Variants in CAMK4 observed in about 807,000 individuals in gnomAD.
CAMK4 encodes calcium/calmodulin-dependent protein kinase type IV.
Under a neutral mutation model 44.9 loss-of-function variants are expected in CAMK4, and 22 were observed. That is an observed-to-expected ratio of 0.49 (90% CI 0.35 to 0.70). The LOEUF (loss-of-function observed/expected upper bound fraction) is 0.70. CAMK4 is among the 30% of genes least tolerant of loss of function. The pLI, the probability that CAMK4 is intolerant of heterozygous loss-of-function variation, is 0.01. For synonymous variants in CAMK4, 218 were observed against 215.4 expected, an observed-to-expected ratio of 1.01 and a Z score of -0.11; for missense variants, 498 against 586.8, an observed-to-expected ratio of 0.85 and a Z score of 1.56.
At chr5:111,263,495 CACAGCAGTCT>C (rs1254569989) in intron 1 of CAMK4, among the ~76,000 whole-genome samples, 1 of 152,128 alleles carries the variant, frequency 6.6e-6, no homozygotes, top group Non-Finnish European at 1.5e-5. Flanking sequence ...TTATTACTCC[CACAGCAGTCT>C]ACTTCTTCCA....
At chr5:111,421,203 A>G (rs898535524) in intron 5 of CAMK4, among the ~76,000 whole-genome samples, 1 of 152,218 alleles carries the variant, frequency 6.6e-6, no homozygotes, top group Non-Finnish European at 1.5e-5. Flanking sequence ...ACTTCCCGCA[A>G]CAATATCTGC....
At chr5:111,273,908 C>T (rs965514925) in intron 1 of CAMK4, among the ~76,000 whole-genome samples, 1 of 151,376 alleles carries the variant, frequency 6.6e-6, no homozygotes, top group South Asian at 2.1e-4. Flanking sequence ...CCTGCAGGCT[C>T]TTTATATCAG....
chr5:111,251,912 G>A (rs1350464968), intron 1 of CAMK4, among the ~76,000 whole-genome samples: 1 of 151,988 alleles, frequency 6.6e-6, no homozygotes, highest in Non-Finnish European at 1.5e-5. Context: ...TTTAACCAGT[G>A]TTTATATCTT....
At chr5:111,232,849 C>T (rs962450460) in intron 1 of CAMK4, among the ~76,000 whole-genome samples, 4 of 151,660 alleles carry the variant, frequency 2.6e-5, no homozygotes, top group Non-Finnish European at 5.9e-5. Flanking sequence ...GATTGGTTAC[C>T]TAGACCAGGT....
At chr5:111,344,548 A>G (rs1749791457) in intron 2 of CAMK4, among the ~76,000 whole-genome samples, 1 of 151,912 alleles carries the variant, frequency 6.6e-6, no homozygotes, top group African/African-American at 2.4e-5. Flanking sequence ...GTATTTGTTA[A>G]AGGAGTCATC....
intron 1 of CAMK4, among the ~76,000 whole-genome samples, chr5:111,244,874 TA>T (rs1261110493): frequency 5.3e-5 from 8 of 151,954 alleles, no homozygotes; most frequent in Non-Finnish European, 1.0e-4. Context: ...AAATTAAAAA[TA>T]AAATAAATAA....
chr5:111,346,484 A>T (rs11960469), intron 2 of CAMK4, among the ~76,000 whole-genome samples: 1 of 56,528 alleles, frequency 1.8e-5, no homozygotes, highest in African/African-American at 6.7e-5. Context: ...TTGAAACTTT[A>T]TCTATCTATC....
chr5:111,297,755 G>T (rs1747551521), intron 1 of CAMK4, among the ~76,000 whole-genome samples: 1 of 152,076 alleles, frequency 6.6e-6, no homozygotes, highest in Non-Finnish European at 1.5e-5. Context: ...TCTGAATGTT[G>T]TAGTTGTTAC....
intron 2 of CAMK4, among the ~76,000 whole-genome samples, chr5:111,355,672 T>G (rs1750315500): frequency 1.8e-5 from 2 of 111,092 alleles, no homozygotes; most frequent in East Asian, 3.1e-4. Context: ...CCCACAACAG[T>G]CCCCAGAGTG....
intron 1 of CAMK4, among the ~76,000 whole-genome samples, chr5:111,309,404 C>T (rs897009712): frequency 8.5e-5 from 13 of 152,176 alleles, no homozygotes; most frequent in Middle Eastern, 3.4e-3. Context: ...GGATCAACAC[C>T]CCACTCCCTC....
At chr5:111,341,171 C>T (rs1166951425) in intron 1 of CAMK4, among the ~76,000 whole-genome samples, 2 of 151,134 alleles carry the variant, frequency 1.3e-5, no homozygotes, top group Non-Finnish European at 3.0e-5. Context: ...AATATTTTCT[C>T]CCACACTTTC....
At chr5:111,257,540 T>C (rs941128179) in intron 1 of CAMK4, among the ~76,000 whole-genome samples, 1 of 152,162 alleles carries the variant, frequency 6.6e-6, no homozygotes, top group Non-Finnish European at 1.5e-5. Flanking sequence ...GCTTTTACAC[T>C]GTTGGTGGGA....
chr5:111,368,548 C>T (rs905689056), intron 2 of CAMK4, among the ~76,000 whole-genome samples: 4 of 152,142 alleles, frequency 2.6e-5, no homozygotes, highest in Non-Finnish European at 5.9e-5. Context: ...ATTTAAGAAG[C>T]TCTCAGACTT....
At chr5:111,436,530 A>G (rs984829894) in intron 5 of CAMK4, among the ~76,000 whole-genome samples, 6 of 152,202 alleles carry the variant, frequency 3.9e-5, no homozygotes, top group African/African-American at 9.7e-5. Flanking sequence ...CTTCATTCTG[A>G]GACTTCTGGG....
At chr5:111,327,333 TG>T (rs1748941142) in intron 1 of CAMK4, among the ~76,000 whole-genome samples, 1 of 151,092 alleles carries the variant, frequency 6.6e-6, no homozygotes, top group Non-Finnish European at 1.5e-5. Flanking sequence ...GCAAAGGACA[TG>T]AACTCATCAT....
intron 2 of CAMK4, among the ~76,000 whole-genome samples, chr5:111,350,458 T>C (rs190859574): frequency 2.0e-5 from 3 of 152,152 alleles, no homozygotes; most frequent in East Asian, 3.9e-4. Flanking sequence ...TATTCTCTTA[T>C]TGCTATCAAT....
At chr5:111,321,136 C>T (rs1222048014) in intron 1 of CAMK4, among the ~76,000 whole-genome samples, 1 of 152,096 alleles carries the variant, frequency 6.6e-6, no homozygotes, top group Non-Finnish European at 1.5e-5. Context: ...CTCCCACTTC[C>T]TGGGTGTTCA....
intron 1 of CAMK4, among the ~76,000 whole-genome samples, chr5:111,235,987 G>A (rs1478365965): frequency 6.6e-6 from 1 of 152,230 alleles, no homozygotes; most frequent in Non-Finnish European, 1.5e-5. Context: ...ACAGGAACAG[G>A]CAGGACACAA....
At chr5:111,337,172 G>C (rs141947048) in intron 1 of CAMK4, among the ~76,000 whole-genome samples, 16 of 151,186 alleles carry the variant, frequency 1.1e-4, no homozygotes, top group African/African-American at 3.9e-4. Context: ...AAGTTGTTTT[G>C]TGTACCCTCA....
Sources: gnomAD v4.1 joint callset for allele counts (sites outside exome capture counted in the v4.1 genomes callset) on GRCh38, gnomAD v4.1.1 for gene constraint, MANE v1.5 for transcripts, NCBI Gene and HGNC (gene_info 2026-07-23, HGNC 2026-07-21) for gene names.